Variants in GDPD4 observed in about 807,000 individuals in gnomAD.
The protein encoded by GDPD4 is glycerophosphodiester phosphodiesterase 6.
Under a neutral mutation model 67.8 loss-of-function variants are expected in GDPD4, and 60 were observed. That is an observed-to-expected ratio of 0.88 (90% CI 0.72 to 1.10). The LOEUF (loss-of-function observed/expected upper bound fraction) is 1.10, where lower values mean the gene tolerates loss of function less well. GDPD4 is among the 50% of genes least tolerant of loss of function. The pLI is 0.00. For missense variants in GDPD4, 623 were observed against 613.9 expected (o/e 1.01, Z -0.16); for synonymous variants, 212 against 210.9 (o/e 1.00, Z -0.04).
At chr11:77,272,054 A>G (rs1959243856) in intron 5 of GDPD4, among the ~76,000 whole-genome samples, 1 of 152,184 alleles carries the variant, frequency 6.6e-6, no homozygotes, top group Non-Finnish European at 1.5e-5. Flanking sequence ...GTTTTCCTAC[A>G]TCCGTGCTGC....
At chr11:77,227,329 G>A (rs1170459976) in intron 16 of GDPD4, among the ~76,000 whole-genome samples, 2 of 152,208 alleles carry the variant, frequency 1.3e-5, no homozygotes, top group African/African-American at 2.4e-5. Flanking sequence ...GACCGCTGAA[G>A]TTTTCTTCCT....
rs533518432 is a variant in GDPD4 at position 77,226,141 on chromosome 11, C to T, written c.1525+1723G>A. On this transcript the variant is annotated intron_variant, in intron 16 of 16. Coordinates refer to ENST00000315938, the MANE Select transcript of GDPD4 (RefSeq NM_182833.3). ...GTTAACTGTTACTTTTTCTAAGCCA[C>T]CTCTTTTATCTAGGTTTATATAGTT... Among the ~76,000 whole-genome samples, 7 of 152,262 alleles carry T rather than the reference C, an allele frequency of 4.6e-5. No homozygotes were observed. The South Asian group carries it at 6.2e-4, about 14-fold the overall frequency.
intron 13 of GDPD4, among the ~76,000 whole-genome samples, chr11:77,240,596 C>G (rs142737358): frequency 6.1e-4 from 93 of 152,078 alleles, no homozygotes; most frequent in African/African-American, 2.1e-3. Flanking sequence ...GGATATGACC[C>G]CAAAAGCACA....
Position 77,230,412 on chromosome 11 carries a change from C to A in GDPD4, c.1390-1180G>T, listed in dbSNP as rs540895371. 6.6e-5 allele frequency among the ~76,000 whole-genome samples: 10 copies of A among 152,248 alleles called. No homozygotes were observed. The South Asian group carries it at 2.1e-3, about 32-fold the overall frequency. ...ACTAAGTCAAATGCTTTGAAAAACT[C>A]AATGAGGACAAAATAGATCATTAAA... On this transcript the variant is annotated intron_variant, in intron 14 of 16. Transcript: ENST00000315938.
intron 10 of GDPD4, among the ~76,000 whole-genome samples, chr11:77,264,732 C>T (rs1959170533): frequency 6.6e-6 from 1 of 152,054 alleles, no homozygotes; most frequent in Non-Finnish European, 1.5e-5. Context: ...AAGGGGAGAA[C>T]TGAGAGAAGG....
In GDPD4 at chr11:77,298,831, AT is replaced by A. The variant is rs200071388; in HGVS notation, c.-254+2773del. The stretch of plus-strand genomic sequence containing the variant: ...AAAGAAACATATTTTGGGGTAAAAT[AT>A]TTTTTTCTTTTTTGACTTATATTGT... On this transcript the variant is annotated intron_variant, in intron 1 of 16. Coordinates refer to ENST00000315938, the MANE Select transcript of GDPD4 (RefSeq NM_182833.3). Among the ~76,000 whole-genome samples, 684 of 152,014 alleles carry A rather than the reference AT, an allele frequency of 4.5e-3. 8 individuals carry two copies. The highest frequency in any genetic ancestry group is 0.015 in the African/African-American group (639 of 41,450).
At chr11:77,232,882 G>GA in intron 14 of GDPD4, 143 bp downstream of exon 14, 1 of 654,564 alleles carries the variant, frequency 1.5e-6, no homozygotes, top group Non-Finnish European at 2.5e-6. Flanking sequence ...TGTGAGAATG[G>GA]AAAATACCAC....
chr11:77,216,705 T>C lies in GDPD4; in HGVS notation c.*572A>G, dbSNP rs921955477. 3.5e-6 allele frequency: 2 copies of C among 568,816 alleles called. No homozygotes were observed. Among genetic ancestry groups the C allele is most frequent in the African/African-American group, 3.7e-5 (2 of 53,350 alleles). 35.2% of individuals were successfully genotyped at this position (568,816 alleles called of 1,614,324 possible). A position where few individuals can be genotyped will look rare whatever the true frequency, so the allele number is the denominator to read the frequency against. On this transcript the variant is annotated 3_prime_UTR_variant, in exon 17 of 17. Coordinates refer to ENST00000315938, the MANE Select transcript of GDPD4 (RefSeq NM_182833.3). ...CCTTGCCTAGCCCCTTGAGATGCATTCTTGATAGCGAGAGCACAATGGTTC... is the reference window on the plus strand; with the variant it reads ...CCTTGCCTAGCCCCTTGAGATGCATCCTTGATAGCGAGAGCACAATGGTTC...
Position 77,234,745 on chromosome 11 carries a change from C to G in GDPD4, c.1242-1573G>C, listed in dbSNP as rs534998133. ...GTCACATTTTCTTTATCCAGTCCAC[C>G]ACTGATGGGCAGTTAGGTTGATTCC... is the stretch of plus-strand genomic sequence containing the variant. On this transcript the variant is annotated intron_variant, in intron 13 of 16. Transcript: ENST00000315938. Among the ~76,000 whole-genome samples, 274 of 152,280 alleles carry G rather than the reference C, an allele frequency of 1.8e-3. 1 individual carries two copies. The highest frequency in any genetic ancestry group is 6.4e-3 in the African/African-American group (266 of 41,564).
chr11:77,269,061 C>T lies in GDPD4; in HGVS notation c.487G>A (p.Val163Met), dbSNP rs200926517. 3.2e-5 allele frequency: 52 copies of T among 1,612,142 alleles called. No individual in the cohort carries two copies. The highest frequency in any genetic ancestry group is 4.4e-5 in the Non-Finnish European group (52 of 1,179,412). Residue 163 changes from valine (V) to methionine (M), a missense_variant, in exon 9 of 17, where the codon GTG becomes ATG. Coordinates refer to ENST00000315938, the MANE Select transcript of GDPD4 (RefSeq NM_182833.3). The stretch of plus-strand genomic sequence containing the variant: ...AGAAGAAAGGGTAATCCAACAGGCA[C>T]TTGTAGACCTGAAAAATTTGAAAGG... ...NVITRLRGLQ[V>M]PVGLPFLLIL...
chr11:77,226,993 T>C (rs967872365), intron 16 of GDPD4, among the ~76,000 whole-genome samples: 5 of 152,148 alleles, frequency 3.3e-5, no homozygotes, highest in Non-Finnish European at 7.3e-5. Flanking sequence ...CATAAGAAAT[T>C]AAATTAAATT....
intron 12 of GDPD4, 140 bp downstream of exon 12, chr11:77,245,141 A>G: frequency 1.5e-6 from 1 of 656,042 alleles, no homozygotes; most frequent in Admixed American, 2.7e-5. Flanking sequence ...TGTATAAGTA[A>G]CAATCTTCAT....
At chr11:77,260,263 G>T (rs561509598) in intron 10 of GDPD4, among the ~76,000 whole-genome samples, 1 of 146,852 alleles carries the variant, frequency 6.8e-6, no homozygotes, top group Admixed American at 6.8e-5. Flanking sequence ...ACAAAATCGC[G>T]CCATTGGACT....
intron 13 of GDPD4, among the ~76,000 whole-genome samples, chr11:77,239,961 GA>G (rs35159540): frequency 2.3e-3 from 314 of 133,684 alleles, no homozygotes; most frequent in African/African-American, 8.0e-3. Flanking sequence ...GACTGCCTCA[GA>G]AAAAAAAAAA....
chr11:77,278,065 C>T (rs1959575226), intron 4 of GDPD4, among the ~76,000 whole-genome samples: 1 of 152,042 alleles, frequency 6.6e-6, no homozygotes, highest in Non-Finnish European at 1.5e-5. Context: ...TTTCTTAATC[C>T]TGAGTTCTAG....
At chr11:77,239,990 TA>T (rs1047412374) in intron 13 of GDPD4, among the ~76,000 whole-genome samples, 1 of 151,286 alleles carries the variant, frequency 6.6e-6, no homozygotes, top group Non-Finnish European at 1.5e-5. Context: ...TGAAAGAATT[TA>T]AAAAAAACAC....
chr11:77,267,917 T>A (rs1368805122), intron 10 of GDPD4, among the ~76,000 whole-genome samples: 1 of 151,768 alleles, frequency 6.6e-6, no homozygotes, highest in African/African-American at 2.4e-5. Flanking sequence ...ATTTTTTTTC[T>A]TTTTTTTCCC....
intron 4 of GDPD4, among the ~76,000 whole-genome samples, chr11:77,278,372 C>A (rs1249195232): frequency 6.6e-6 from 1 of 152,184 alleles, no homozygotes; most frequent in Non-Finnish European, 1.5e-5. Flanking sequence ...CCACAATGTT[C>A]TTCCTCATTA....
chr11:77,224,076 C>T (rs370182391), intron 16 of GDPD4, among the ~76,000 whole-genome samples: 2 of 152,158 alleles, frequency 1.3e-5, no homozygotes, highest in South Asian at 2.1e-4. Context: ...TGGCGTGTCT[C>T]GATTTTCCTG....
Sources: gnomAD v4.1 joint callset for allele counts (sites outside exome capture counted in the v4.1 genomes callset) on GRCh38, gnomAD v4.1.1 for gene constraint, MANE v1.5 for transcripts, NCBI Gene and HGNC (gene_info 2026-07-23, HGNC 2026-07-21) for gene names.